MAP4: variants seen among roughly 807,000 people sequenced by gnomAD.
The protein encoded by MAP4 is microtubule-associated protein 4.
A neutral mutation model predicts 170.2 loss-of-function variants in MAP4; 76 were observed. The ratio of observed to expected loss-of-function variants is 0.45; its 90% confidence interval spans 0.37 to 0.54. MAP4 has a LOEUF of 0.54. MAP4 is among the 20% of genes least tolerant of loss of function. The pLI is 0.00. For synonymous variants in MAP4, 909 were observed against 994.5 expected (o/e 0.91, Z 1.62); for missense variants, 2,506 against 2,748.0 (o/e 0.91, Z 1.97).
intron 1 of MAP4, among the ~76,000 whole-genome samples, chr3:48,001,037 G>A (rs751172383): frequency 4.6e-5 from 7 of 151,992 alleles, no homozygotes; most frequent in East Asian, 1.9e-4. Context: ...AGAAGTCATC[G>A]TACCCCCAAT....
chr3:48,042,352 C>T (rs2154534549), intron 1 of MAP4, among the ~76,000 whole-genome samples: 1 of 152,262 alleles, frequency 6.6e-6, no homozygotes, highest in African/African-American at 2.4e-5. Flanking sequence ...CAGTAGGGTG[C>T]TATAAGAATA....
intron 3 of MAP4, among the ~76,000 whole-genome samples, chr3:47,959,585 T>C (rs1027850227): frequency 1.3e-5 from 2 of 151,526 alleles, no homozygotes; most frequent in East Asian, 2.0e-4. Flanking sequence ...TGAAACCCCG[T>C]CTCTACTAAA....
At chr3:47,960,388 C>CT (rs2100070864) in intron 3 of MAP4, 1 of 242,914 alleles carries the variant, frequency 4.1e-6, no homozygotes, top group Non-Finnish European at 9.0e-6. Context: ...AAAGTACCCT[C>CT]TGTCTTCCTC....
chr3:47,859,454 G>A (rs1448924754), intron 17 of MAP4, among the ~76,000 whole-genome samples: 1 of 152,202 alleles, frequency 6.6e-6, no homozygotes, highest in African/African-American at 2.4e-5. Flanking sequence ...GCCTGGCACA[G>A]AATAACTACC....
chr3:47,875,858 C>T lies in MAP4; in HGVS notation c.5584G>A (p.Ala1862Thr), dbSNP rs910432024. The stretch of plus-strand genomic sequence containing the variant: ...GGGAGAGAAGTGGGCTGTGTTTTGG[C>T]TTTCGATGTTGAAGTCTTTGCAGGT... ...TQPAKTSTSK[A>T]KTQPTSLPKQ... The change falls in exon 12 of 21, where the codon GCC becomes ACC. Residue 1862 changes from alanine (A) to threonine (T), a missense_variant. Coordinates refer to ENST00000683076, the MANE Select transcript of MAP4 (RefSeq NM_001385682.1). The T allele has an allele frequency of 5.0e-6, 8 of 1,612,872 alleles. No homozygotes were observed. Among genetic ancestry groups the T allele is most frequent in the Middle Eastern group, 1.6e-4 (1 of 6,078 alleles).
intron 1 of MAP4, among the ~76,000 whole-genome samples, chr3:48,000,595 C>T (rs184923046): frequency 2.6e-5 from 4 of 152,244 alleles, no homozygotes; most frequent in Admixed American, 2.0e-4. Context: ...ATTGACTACA[C>T]GCTGGAAGAA....
intron 10 of MAP4, chr3:47,891,491 G>A (rs1455417475): frequency 4.0e-6 from 6 of 1,515,778 alleles, no homozygotes; most frequent in African/African-American, 1.4e-5. Context: ...ACTAGGGGGA[G>A]GCAGCAGGCC....
intron 3 of MAP4, among the ~76,000 whole-genome samples, chr3:47,942,205 A>G (rs1009266653): frequency 2.4e-4 from 37 of 152,204 alleles, no homozygotes; most frequent in African/African-American, 7.2e-4. Flanking sequence ...GAAAAAATAC[A>G]CAACACAGTA....
intron 1 of MAP4, among the ~76,000 whole-genome samples, chr3:48,056,254 A>T (rs2100131439): frequency 9.4e-6 from 1 of 106,770 alleles, no homozygotes; most frequent in South Asian, 4.5e-4. Flanking sequence ...GCCGTCCGGG[A>T]GGGAGGTGGG....
chr3:47,910,294 G>C lies in MAP4; in HGVS notation c.4127C>G (p.Pro1376Arg). 6.3e-6 allele frequency: 10 copies of C among 1,591,728 alleles called. No individual in the cohort carries two copies. The highest frequency in any genetic ancestry group is 8.5e-6 in the Non-Finnish European group (10 of 1,173,982). The change falls in exon 9 of 21, where the codon CCT becomes CGT. Residue 1376 changes from proline (P) to arginine (R), a missense_variant. Coordinates refer to ENST00000683076, the MANE Select transcript of MAP4 (RefSeq NM_001385682.1). ...CTTATTCTCCAGAATGTGCTTCTCA[G>C]GAGAACTATTTTTAACCTTTTTACT... The part of the protein sequence containing the change: ...GKSKKVKNSS[P>R]EKHILENKID...
intron 17 of MAP4, among the ~76,000 whole-genome samples, chr3:47,863,061 C>T (rs536760946): frequency 1.3e-5 from 2 of 151,976 alleles, no homozygotes; most frequent in South Asian, 2.1e-4. Flanking sequence ...ACCATAACCT[C>T]CGCCTCCCAG....
At chr3:47,865,231 C>T (rs925841565) in intron 17 of MAP4, among the ~76,000 whole-genome samples, 2 of 152,160 alleles carry the variant, frequency 1.3e-5, no homozygotes, top group Non-Finnish European at 2.9e-5. Context: ...CTCTTATATG[C>T]ACCACACAAC....
At chr3:48,018,695 C>T (rs1242509174), upstream of MAP4, among the ~76,000 whole-genome samples, 3 of 151,954 alleles carry the variant, frequency 2.0e-5, no homozygotes, top group Admixed American at 6.6e-5. Context: ...CCCAGCTACT[C>T]GAGAGGCTGA....
chr3:47,887,879 G>A (rs1334580831), intron 10 of MAP4, among the ~76,000 whole-genome samples: 3 of 151,934 alleles, frequency 2.0e-5, no homozygotes, highest in Admixed American at 1.3e-4. Flanking sequence ...CTCAAGGTTT[G>A]TAAACACACC....
intron 10 of MAP4, among the ~76,000 whole-genome samples, chr3:47,900,295 T>G (rs1436609421): frequency 4.6e-5 from 7 of 152,176 alleles, no homozygotes; most frequent in Admixed American, 4.6e-4. Context: ...ATTCTACATT[T>G]TAGAAACATT....
At chr3:48,035,126 C>A in intron 1 of MAP4, among the ~76,000 whole-genome samples, 1 of 136,702 alleles carries the variant, frequency 7.3e-6, no homozygotes, top group East Asian at 2.2e-4. Context: ...ATTATTTTAA[C>A]AATTAAAAAG....
In MAP4 at chr3:47,940,691, TC is replaced by T. The variant is rs1446208167; in HGVS notation, c.293-12342del. On this transcript the variant is annotated intron_variant, in intron 3 of 20. Transcript: ENST00000683076. ...ACTAGACTAATTCTGTCACATATGA[TC>T]CATTCCAAGTGCAAGATAGACTAAT... 3.3e-5 allele frequency among the ~76,000 whole-genome samples: 5 copies of T among 152,180 alleles called. No individual in the cohort carries two copies. The East Asian group carries it at 9.6e-4, about 29-fold the overall frequency.
rs201700598 is a variant in MAP4, at chr3:47,998,801, C to T, written c.60G>A (p.Glu20=). The change falls in exon 2 of 21, where the codon GAG becomes GAA. Residue 20 remains glutamate (E), a synonymous_variant. Coordinates refer to ENST00000683076, the MANE Select transcript of MAP4 (RefSeq NM_001385682.1). ...GTGTGGCAATGAAGTCCCGCTTTAT[C>T]TCTCCCTCAATGTCTGGAGATGGTT... ...LTEPSPDIEG[E]IKRDFIATLE... 3.7e-5 allele frequency: 60 copies of T among 1,614,188 alleles called. No homozygotes were observed. The Middle Eastern group carries it at 2.3e-3, about 62-fold the overall frequency.
At chr3:48,058,260 G>A (rs7642590) in intron 1 of MAP4, among the ~76,000 whole-genome samples, 110,759 of 152,180 alleles carry the variant, frequency 0.73, 40,598 homozygotes, top group African/African-American at 0.82. Context: ...TCATTATTTT[G>A]GCTAATTTAT....
Sources: allele counts gnomAD v4.1 joint callset (sites outside exome capture counted in the v4.1 genomes callset), GRCh38; gene constraint gnomAD v4.1.1; transcripts MANE v1.5; gene names NCBI Gene and HGNC (gene_info 2026-07-23, HGNC 2026-07-21).